The following ABCA3 variants were observed in gnomAD, a reference collection of about 807,000 sequenced individuals.
ABCA3 encodes the protein phospholipid-transporting ATPase ABCA3.
ABCA3 carries 88 observed loss-of-function variants against 172.8 expected under a neutral mutation model. That is an observed-to-expected ratio of 0.51 (90% CI 0.43 to 0.61). The LOEUF is 0.61. ABCA3 is among the 20% of genes least tolerant of loss of function. The pLI, the probability that ABCA3 is intolerant of heterozygous loss-of-function variation, is 0.00. For missense variants in ABCA3, 2,164 were observed against 2,301.0 expected (o/e 0.94, Z 1.22); for synonymous variants, 1,066 against 983.8 (o/e 1.08, Z -1.56).
intron 18 of ABCA3, among the ~76,000 whole-genome samples, chr16:2,294,580 C>T (rs892629124): frequency 3.9e-5 from 6 of 151,942 alleles, no homozygotes; most frequent in Non-Finnish European, 7.4e-5. Flanking sequence ...CCCAACTATT[C>T]GGGAGGCTGA....
At chr16:2,290,144 T>C (rs1256047285) in intron 19 of ABCA3, among the ~76,000 whole-genome samples, 4 of 152,180 alleles carry the variant, frequency 2.6e-5, no homozygotes, top group Non-Finnish European at 5.9e-5. Context: ...TGCTCCTGTG[T>C]GCAGGCTGCC....
chr16:2,285,052 G>T lies in ABCA3; in HGVS notation c.3484-54C>A. 6.4e-7 allele frequency: 1 copy of T among 1,566,814 alleles called. No individual in the cohort carries two copies. Among genetic ancestry groups the T allele is most frequent in the Non-Finnish European group, 8.7e-7 (1 of 1,152,806 alleles). ...GCATGCCAAGCTGAGAGGAGCTCAC[G>T]GGTAGGGAAGGGGTGAGAGGAGCAT... On this transcript the variant is annotated intron_variant, in intron 23 of 32. Transcript: ENST00000301732. This position sits in a 1 kb window ranked among gnomAD's most constrained non-coding sequence, Gnocchi z 4.7.
intron 1 of ABCA3, chr16:2,332,640 G>C (rs2093745200): frequency 6.2e-7 from 1 of 1,602,280 alleles, no homozygotes. Flanking sequence ...TCTTCTCCAG[G>C]GGCCGCCCGT....
At chr16:2,294,603 C>T (rs754950331) in intron 18 of ABCA3, among the ~76,000 whole-genome samples, 1 of 152,044 alleles carries the variant, frequency 6.6e-6, no homozygotes, top group Non-Finnish European at 1.5e-5. Flanking sequence ...TGGGAGATCA[C>T]GAGCCCAGGA....
chr16:2,313,089 G>A (rs2093709127), intron 10 of ABCA3, among the ~76,000 whole-genome samples: 1 of 152,016 alleles, frequency 6.6e-6, no homozygotes, highest in Non-Finnish European at 1.5e-5. Context: ...AGCTGGCATT[G>A]TTTGTTTGTT....
In ABCA3 at chr16:2,283,444, G is replaced by A; in HGVS notation, c.3863-86C>T. 1.4e-6 allele frequency: 2 copies of A among 1,471,816 alleles called. No homozygotes were observed. Among genetic ancestry groups the A allele is most frequent in the Non-Finnish European group, 1.9e-6 (2 of 1,079,544 alleles). 91.2% of individuals were successfully genotyped at this position (1,471,816 alleles called of 1,614,324 possible). ...TCCCGGCCCCCACTCCCCTCCCCAGGCTGCTCAAGGCGCCTGTAACAATGT... is the reference window on the plus strand; with the variant it reads ...TCCCGGCCCCCACTCCCCTCCCCAGACTGCTCAAGGCGCCTGTAACAATGT... On this transcript the variant is annotated intron_variant, in intron 25 of 32. Transcript: ENST00000301732. The surrounding 1 kb of genome is among the most constrained non-coding windows in gnomAD (Gnocchi z 5.4).
Position 2,285,859 on chromosome 16 carries a change from C to T in ABCA3, c.3279-213G>A, listed in dbSNP as rs1287482867. The stretch of plus-strand genomic sequence containing the variant: ...TGGAATTCCTATGCTGACCATGTGA[C>T]AATGGCAGCGTCACTCTCCCTCATC... On this transcript the variant is annotated intron_variant, in intron 22 of 32. Coordinates refer to ENST00000301732, the MANE Select transcript of ABCA3 (RefSeq NM_001089.3). The surrounding 1 kb of genome is among the most constrained non-coding windows in gnomAD (Gnocchi z 4.7). Among the ~76,000 whole-genome samples, 1 of 152,174 alleles carries T rather than the reference C, an allele frequency of 6.6e-6. No individual in the cohort carries two copies. The highest frequency in any genetic ancestry group is 1.5e-5 in the Non-Finnish European group (1 of 68,038).
rs1471774151 is a variant in ABCA3, at chr16:2,279,574, G to A, written c.4360-444C>T. On this transcript the variant is annotated intron_variant, in intron 28 of 32. Transcript: ENST00000301732. The surrounding 1 kb of genome is among the most constrained non-coding windows in gnomAD (Gnocchi z 4.4). The stretch of plus-strand genomic sequence containing the variant: ...TGCTTGGTCAGATGGTGCAGCAGCT[G>A]TTCTCTGCACAAGTGACCACGTCCA... Among the ~76,000 whole-genome samples, 1 of 152,198 alleles carries A rather than the reference G, an allele frequency of 6.6e-6. No individual in the cohort carries two copies. Among genetic ancestry groups the A allele is most frequent in the Non-Finnish European group, 1.5e-5 (1 of 68,048 alleles).
chr16:2,317,745 C>T lies in ABCA3; in HGVS notation c.893G>A (p.Gly298Glu). 2.5e-6 allele frequency: 4 copies of T among 1,614,198 alleles called. No individual in the cohort carries two copies. The highest frequency in any genetic ancestry group is 3.4e-6 in the Non-Finnish European group (4 of 1,180,020). Residue 298 changes from glycine (G) to glutamate (E), a missense_variant, in exon 9 of 33, where the codon GGG (glycine) becomes GAG (glutamate). By Grantham distance (98) the Gly-to-Glu change is moderately conservative. Around this residue, in one of 3 missense-constraint regions of ABCA3, gnomAD observed 1,343 missense variants for 1,369.6 expected, o/e 0.98. Coordinates refer to ENST00000301732, the MANE Select transcript of ABCA3 (RefSeq NM_001089.3). ...ACTCCAGTGCAGCCAGCTGCTGAGC[C>T]CCATCATGCGCATGTACTCCTGGGG... ...RRLKEYMRMMGLSSWLHWSAW... is the reference protein window; with the variant it reads ...RRLKEYMRMMELSSWLHWSAW...
rs1411996264 is a variant in ABCA3, at chr16:2,297,528, C to T, written c.2064G>A (p.Leu688=). 2 of 1,612,352 alleles carry T rather than the reference C, an allele frequency of 1.2e-6. No individual in the cohort carries two copies. Among genetic ancestry groups the T allele is most frequent in the Admixed American group, 3.3e-5 (2 of 59,968 alleles). The change falls in exon 17 of 33, where the codon CTG becomes CTA. Residue 688 remains leucine, a synonymous_variant. Transcript: ENST00000301732. This position sits in a 1 kb window ranked among gnomAD's most constrained non-coding sequence, Gnocchi z 5.6. ...ALIAGSKVLI[L]DEPTSGMDAI... is the part of the protein sequence containing the mutation. ...CGTCCATGCCCGAGGTGGGCTCGTC[C>T]AGTATCAGCACCTGGAGGGAGAGAC...
At chr16:2,340,531 C>G (rs994834418) in intron 1 of ABCA3, 42 bp downstream of exon 1, 2 of 149,676 alleles carry the variant, frequency 1.3e-5, no homozygotes, top group African/African-American at 4.9e-5. Flanking sequence ...ACCGCAAGCC[C>G]CGGGAACGAG....
In ABCA3 at chr16:2,289,642, C is replaced by A. The variant is rs2093668770; in HGVS notation, c.2514-22G>T. 4.5e-6 allele frequency: 7 copies of A among 1,545,342 alleles called. 1 individual carries two copies. The highest frequency in any genetic ancestry group is 6.1e-6 in the Non-Finnish European group (7 of 1,146,224). Reference sequence around the variant, plus strand: ...GACCCTGTGCCGATACACACAGGGACCGGTCAGGACCCAGCTCCCCGGGTG... The same window carrying A: ...GACCCTGTGCCGATACACACAGGGAACGGTCAGGACCCAGCTCCCCGGGTG... On this transcript the variant is annotated intron_variant, in intron 19 of 32. Coordinates refer to ENST00000301732, the MANE Select transcript of ABCA3 (RefSeq NM_001089.3).
At chr16:2,304,480 A>G (rs2093694382) in intron 11 of ABCA3, among the ~76,000 whole-genome samples, 1 of 151,086 alleles carries the variant, frequency 6.6e-6, no homozygotes, top group Non-Finnish European at 1.5e-5. Flanking sequence ...AACGTGGGTC[A>G]ATGTGCATTT....
At chr16:2,310,918 A>T (rs1039587023) in intron 10 of ABCA3, among the ~76,000 whole-genome samples, 2 of 152,106 alleles carry the variant, frequency 1.3e-5, no homozygotes, top group Non-Finnish European at 2.9e-5. Context: ...TGTCTGACTT[A>T]GCAGATTACA....
chr16:2,302,236 C>G (rs552786066), intron 12 of ABCA3, among the ~76,000 whole-genome samples: 2 of 152,146 alleles, frequency 1.3e-5, no homozygotes, highest in African/African-American at 4.8e-5. Flanking sequence ...TATATTTCTG[C>G]GTGTGTGTCT....
At position 2,323,248 on chromosome 16, in the gene ABCA3, G is replaced by A. The variant is rs569525891; in HGVS notation, c.613+275C>T. ...CAACCATTGTGGAAGTCAGTGTGGC[G>A]ATTCCTCAGGGATCTAGAACTAGAA... On this transcript the variant is annotated intron_variant, in intron 7 of 32. Coordinates refer to ENST00000301732, the MANE Select transcript of ABCA3 (RefSeq NM_001089.3). The A allele has an allele frequency of 7.9e-4, 421 of 530,674 alleles. 2 individuals are homozygous for A. Among genetic ancestry groups the A allele is most frequent in the African/African-American group, 7.0e-3 (368 of 52,372 alleles). 32.9% of individuals were successfully genotyped at this position (530,674 alleles called of 1,614,324 possible).
intron 10 of ABCA3, among the ~76,000 whole-genome samples, chr16:2,312,266 G>T (rs1042906128): frequency 6.6e-6 from 1 of 152,090 alleles, no homozygotes; most frequent in South Asian, 2.1e-4. Context: ...CCAAACACCC[G>T]AGGGGGAATA....
At chr16:2,303,389 G>T (rs1008674105) in intron 12 of ABCA3, among the ~76,000 whole-genome samples, 2 of 151,204 alleles carry the variant, frequency 1.3e-5, no homozygotes, top group African/African-American at 4.9e-5. Context: ...AGCCTCCCGA[G>T]TAGCTGGGAC....
At chr16:2,325,520 T>C (rs1357217087) in intron 5 of ABCA3, among the ~76,000 whole-genome samples, 1 of 152,180 alleles carries the variant, frequency 6.6e-6, no homozygotes, top group African/African-American at 2.4e-5. Context: ...TTCCTAGTCT[T>C]AGGGCCATCA....
Sources: gnomAD v4.1 joint callset for allele counts (sites outside exome capture counted in the v4.1 genomes callset) on GRCh38, gnomAD v4.1.1 for gene constraint, gnomAD v4.1.1 regional missense constraint, Gnocchi (gnomAD v3.1) non-coding constraint, MANE v1.5 for transcripts, NCBI Gene and HGNC (gene_info 2026-07-23, HGNC 2026-07-21) for gene names.